The following WWC2 variants were observed in gnomAD, a reference collection of about 807,000 sequenced individuals.
WWC2 encodes WW and C2 domain containing 2, also known as protein WWC2.
WWC2 carries 101 observed loss-of-function variants against 138.5 expected under a neutral mutation model. That is an observed-to-expected ratio of 0.73 (90% CI 0.62 to 0.86). The LOEUF (loss-of-function observed/expected upper bound fraction) is 0.86. Ranked by LOEUF, WWC2 falls within the 40% of genes least tolerant of loss-of-function variation. The pLI is 0.00. For missense variants in WWC2, 1,420 were observed against 1,419.4 expected (o/e 1.00, Z -0.01); for synonymous variants, 558 against 538.4 (o/e 1.04, Z -0.50).
chr4:183,136,744 A>G (rs1312879218), intron 1 of WWC2, among the ~76,000 whole-genome samples: 1 of 152,198 alleles, frequency 6.6e-6, no homozygotes, highest in African/African-American at 2.4e-5. Context: ...AAATTTTTTT[A>G]AAGCTCATCA....
intron 1 of WWC2, among the ~76,000 whole-genome samples, chr4:183,111,866 T>A (rs985756727): frequency 1.3e-5 from 2 of 151,958 alleles, no homozygotes; most frequent in African/African-American, 4.8e-5. Context: ...GGCTAAGTTT[T>A]TTTGTACTTT....
chr4:183,227,567 A>G (rs893557193), intron 4 of WWC2, among the ~76,000 whole-genome samples: 1 of 152,102 alleles, frequency 6.6e-6, no homozygotes, highest in Non-Finnish European at 1.5e-5. Flanking sequence ...GATTGGAAAT[A>G]TAAGTAAGGA....
At position 183,106,751 on chromosome 4, in the gene WWC2, T is replaced by C. The variant is rs1489701870; in HGVS notation, c.131+7129T>C. Among the ~76,000 whole-genome samples the C allele has an allele frequency of 3.3e-5, 5 of 152,236 alleles. No individual in the cohort carries two copies. In the East Asian group the frequency reaches 7.7e-4, roughly 23 times the overall value. ...TCAGGGTTCATTTTGTAGCATTTAT[T>C]GTACTACTGCATCATTTTCATGACT... is the stretch of plus-strand genomic sequence containing the variant. On this transcript the variant is annotated intron_variant, in intron 1 of 22. Coordinates refer to ENST00000403733, the MANE Select transcript of WWC2 (RefSeq NM_024949.6).
In WWC2 at chr4:183,107,523, T is replaced by A. The variant is rs185575958; in HGVS notation, c.131+7901T>A. ...TCTTACTGTGGTGTTGATTTGTATT[T>A]CCCTCTTCGTAGTGTTTTGATGGCC... On this transcript the variant is annotated intron_variant, in intron 1 of 22. Coordinates refer to ENST00000403733, the MANE Select transcript of WWC2 (RefSeq NM_024949.6). 2.6e-5 allele frequency among the ~76,000 whole-genome samples: 4 copies of A among 152,300 alleles called. No homozygotes were observed. In the East Asian group the frequency reaches 7.7e-4, roughly 29 times the overall value.
In WWC2 at chr4:183,218,916, A is replaced by G. The variant is rs971931081; in HGVS notation, c.522+9891A>G. On this transcript the variant is annotated intron_variant, in intron 4 of 22. Transcript: ENST00000403733. ...AAAATATCCTCCAAATTGACACATA[A>G]AATTAACTATTACATACCTACAACC... is the stretch of plus-strand genomic sequence containing the variant. 7.9e-5 allele frequency among the ~76,000 whole-genome samples: 12 copies of G among 152,226 alleles called. 1 individual carries two copies. Among genetic ancestry groups the G allele is most frequent in the African/African-American group, 2.4e-4 (10 of 41,470 alleles).
chr4:183,101,404 A>T (rs895354468), intron 1 of WWC2, among the ~76,000 whole-genome samples: 4 of 152,368 alleles, frequency 2.6e-5, no homozygotes, highest in Admixed American at 2.6e-4. Flanking sequence ...TATTTTCAGG[A>T]AACTGGATAA....
At chr4:183,275,595 A>G (rs1019736943) in intron 16 of WWC2, among the ~76,000 whole-genome samples, 1 of 152,138 alleles carries the variant, frequency 6.6e-6, no homozygotes, top group Admixed American at 6.6e-5. Context: ...TTCAATTGAT[A>G]TAATTTATTA....
intron 22 of WWC2, among the ~76,000 whole-genome samples, chr4:183,314,230 A>G (rs1319735080): frequency 6.6e-6 from 1 of 152,126 alleles, no homozygotes; most frequent in Non-Finnish European, 1.5e-5. Context: ...TTCAGGGACT[A>G]CCACTACTTG....
intron 1 of WWC2, among the ~76,000 whole-genome samples, chr4:183,136,940 A>C (rs1420157158): frequency 6.6e-6 from 1 of 151,842 alleles, no homozygotes; most frequent in Non-Finnish European, 1.5e-5. Context: ...CTAGGTTACA[A>C]ATCAGTACAG....
At chr4:183,120,061 C>T (rs1177409475) in intron 1 of WWC2, among the ~76,000 whole-genome samples, 5 of 151,944 alleles carry the variant, frequency 3.3e-5, no homozygotes, top group Admixed American at 6.6e-5. Context: ...ATATCCTAGC[C>T]GTAGAGATGA....
intron 1 of WWC2, among the ~76,000 whole-genome samples, chr4:183,116,506 C>T (rs551853087): frequency 2.0e-5 from 3 of 152,302 alleles, no homozygotes; most frequent in Admixed American, 2.0e-4. Context: ...TAAGTGGTGG[C>T]AGAACTCAAG....
At chr4:183,248,443 G>T (rs1736863542) in intron 6 of WWC2, among the ~76,000 whole-genome samples, 1 of 152,160 alleles carries the variant, frequency 6.6e-6, no homozygotes, top group Non-Finnish European at 1.5e-5. Context: ...AGACATGCAT[G>T]TATTTTAAAG....
chr4:183,189,338 G>A (rs1734921710), intron 1 of WWC2, among the ~76,000 whole-genome samples: 2 of 152,006 alleles, frequency 1.3e-5, no homozygotes, highest in Admixed American at 1.3e-4. Context: ...TCGAGAGGCT[G>A]AGGCAGGGGA....
chr4:183,312,155 T>A (rs557013312), intron 21 of WWC2, among the ~76,000 whole-genome samples, 186 bp from the exon 22 acceptor site: 1 of 152,314 alleles, frequency 6.6e-6, no homozygotes, highest in African/African-American at 2.4e-5. Flanking sequence ...AAAATCAACA[T>A]ATGCACAGCA....
At chr4:183,148,051 T>C (rs1379559748) in intron 1 of WWC2, among the ~76,000 whole-genome samples, 1 of 152,158 alleles carries the variant, frequency 6.6e-6, no homozygotes, top group African/African-American at 2.4e-5. Flanking sequence ...TGTGAAATGA[T>C]CTCATTAAAG....
chr4:183,111,358 A>C lies in WWC2; in HGVS notation c.131+11736A>C. On this transcript the variant is annotated intron_variant, in intron 1 of 22. Transcript: ENST00000403733. The stretch of plus-strand genomic sequence containing the variant: ...ATGAAGTGGCAGTGATATTCAGTTA[A>C]GTTTAAAATGTGGTAGACAACTTTG... 1.3e-5 allele frequency among the ~76,000 whole-genome samples: 2 copies of C among 152,344 alleles called. 1 individual carries two copies. The highest frequency in any genetic ancestry group is 3.9e-4 in the East Asian group (2 of 5,188).
chr4:183,111,386 C>T (rs979981663), intron 1 of WWC2, among the ~76,000 whole-genome samples: 3 of 152,186 alleles, frequency 2.0e-5, no homozygotes, highest in African/African-American at 7.2e-5. Flanking sequence ...CAACTTTGCA[C>T]AAGATTTGAG....
intron 1 of WWC2, among the ~76,000 whole-genome samples, chr4:183,181,822 C>G (rs1417572385): frequency 6.6e-6 from 1 of 151,968 alleles, no homozygotes; most frequent in South Asian, 2.1e-4. Flanking sequence ...GAAAAAATAC[C>G]AAAGTATTGG....
chr4:183,162,515 T>C (rs1343161026), intron 1 of WWC2, among the ~76,000 whole-genome samples: 1 of 152,130 alleles, frequency 6.6e-6, no homozygotes, highest in African/African-American at 2.4e-5. Context: ...CACCATCGTT[T>C]TATTGTCTTT....
Sources: gnomAD v4.1 joint callset for allele counts (sites outside exome capture counted in the v4.1 genomes callset) on GRCh38, gnomAD v4.1.1 for gene constraint, MANE v1.5 for transcripts, NCBI Gene and HGNC (gene_info 2026-07-23, HGNC 2026-07-21) for gene names.